NUBPL: variants seen among roughly 807,000 people sequenced by gnomAD.
NUBPL encodes NUBP iron-sulfur cluster assembly factor, mitochondrial, also known as iron-sulfur cluster transfer protein NUBPL.
A neutral mutation model predicts 45.7 loss-of-function variants in NUBPL; 31 were observed. The observed-to-expected ratio is 0.68, with a 90% CI of 0.51 to 0.92. The LOEUF (loss-of-function observed/expected upper bound fraction) is 0.92. Ranked by LOEUF, NUBPL falls within the 40% of genes least tolerant of loss-of-function variation. The pLI is 0.00. For synonymous variants in NUBPL, 144 were observed against 140.9 expected, an observed-to-expected ratio of 1.02 and a Z score of -0.15; for missense variants, 401 against 398.7, an observed-to-expected ratio of 1.01 and a Z score of -0.05.
At chr14:31,754,805 G>A (rs975504246) in intron 6 of NUBPL, among the ~76,000 whole-genome samples, 6 of 148,752 alleles carry the variant, frequency 4.0e-5, no homozygotes, top group Admixed American at 1.3e-4. Context: ...CCATTAACTC[G>A]TCATTTAGCA....
Position 31,624,024 on chromosome 14 carries a change from C to T in NUBPL, c.382+24645C>T, listed in dbSNP as rs565068907. The stretch of plus-strand genomic sequence containing the variant: ...CATTCTGGGAGGAACATTTTGACAG[C>T]ATTGTGAAGGAAACGTAATAGGACT... On this transcript the variant is annotated intron_variant, in intron 4 of 10. Transcript: ENST00000281081. Among the ~76,000 whole-genome samples, 8 of 152,186 alleles carry T rather than the reference C, an allele frequency of 5.3e-5. No individual in the cohort carries two copies. The South Asian group carries it at 1.0e-3, about 20-fold the overall frequency.
At chr14:31,689,371 T>C (rs1389489560) in intron 6 of NUBPL, among the ~76,000 whole-genome samples, 1 of 152,210 alleles carries the variant, frequency 6.6e-6, no homozygotes, top group Non-Finnish European at 1.5e-5. Flanking sequence ...TTCTGACTGG[T>C]GTGAGATACT....
At chr14:31,736,939 T>TACTGC (rs2038178127) in intron 6 of NUBPL, among the ~76,000 whole-genome samples, 1 of 152,240 alleles carries the variant, frequency 6.6e-6, no homozygotes, top group Non-Finnish European at 1.5e-5. Context: ...CCCTGTTGAG[T>TACTGC]ACTGCTTATT....
chr14:31,759,742 G>T (rs1214927547), intron 6 of NUBPL, among the ~76,000 whole-genome samples: 1 of 149,714 alleles, frequency 6.7e-6, no homozygotes. Flanking sequence ...ATATTCTCTT[G>T]TATCTTGTAT....
chr14:31,755,912 C>G (rs2038650154), intron 6 of NUBPL, among the ~76,000 whole-genome samples: 1 of 151,420 alleles, frequency 6.6e-6, no homozygotes, highest in Non-Finnish European at 1.5e-5. Flanking sequence ...CAGCTTTGTA[C>G]ATATGGCTAG....
chr14:31,782,223 C>T (rs2039203965), intron 6 of NUBPL, among the ~76,000 whole-genome samples: 1 of 152,040 alleles, frequency 6.6e-6, no homozygotes, highest in African/African-American at 2.4e-5. Context: ...GGTGAATCCC[C>T]ATCTCTACTA....
chr14:31,585,771 G>T (rs2033980495), intron 3 of NUBPL, among the ~76,000 whole-genome samples: 1 of 152,146 alleles, frequency 6.6e-6, no homozygotes, highest in Non-Finnish European at 1.5e-5. Flanking sequence ...GGTTTGATTT[G>T]CATTTCCTGA....
chr14:31,619,228 C>T (rs1394141152), intron 4 of NUBPL, among the ~76,000 whole-genome samples: 1 of 152,118 alleles, frequency 6.6e-6, no homozygotes, highest in East Asian at 1.9e-4. Flanking sequence ...TGGGTCTTGA[C>T]TCTTTATCCA....
chr14:31,675,808 T>C (rs1417380034), intron 6 of NUBPL, among the ~76,000 whole-genome samples: 2 of 152,134 alleles, frequency 1.3e-5, no homozygotes, highest in African/African-American at 4.8e-5. Flanking sequence ...ATGAGATGCA[T>C]AGATTTTCAG....
chr14:31,719,407 T>C (rs1190783517), intron 6 of NUBPL, among the ~76,000 whole-genome samples: 1 of 152,060 alleles, frequency 6.6e-6, no homozygotes, highest in Non-Finnish European at 1.5e-5. Flanking sequence ...TAGACATAAG[T>C]CATACAGGTT....
chr14:31,642,815 T>G (rs2139705672), intron 4 of NUBPL, among the ~76,000 whole-genome samples: 1 of 152,276 alleles, frequency 6.6e-6, no homozygotes, highest in South Asian at 2.1e-4. Context: ...TGTAAAAATG[T>G]CCTCTTCAGT....
Position 31,673,520 on chromosome 14 carries a change from A to C in NUBPL, c.459A>C (p.Pro153=), listed in dbSNP as rs1555326989. Residue 153 remains proline (P), a synonymous_variant, in exon 6 of 11, where the codon CCA becomes CCC. Coordinates refer to ENST00000281081, the MANE Select transcript of NUBPL (RefSeq NM_025152.3). ...GCTTTCTGGTTGAAGAAAGTGAACC[A>C]GTAGTTTGGAGAGGCCTTATGGTAA... ...SMGFLVEESE[P]VVWRGLMVMS... The C allele has an allele frequency of 6.2e-7, 1 of 1,613,808 alleles. No individual in the cohort carries two copies. The highest frequency in any genetic ancestry group is 1.3e-5 in the African/African-American group (1 of 74,904).
At chr14:31,792,732 C>G (rs1474090110) in intron 7 of NUBPL, among the ~76,000 whole-genome samples, 1 of 151,832 alleles carries the variant, frequency 6.6e-6, no homozygotes, top group African/African-American at 2.4e-5. Flanking sequence ...TAAAAATGTC[C>G]TACCAAAAAG....
intron 7 of NUBPL, among the ~76,000 whole-genome samples, chr14:31,798,486 C>G (rs895175710): frequency 1.3e-5 from 2 of 151,622 alleles, no homozygotes; most frequent in Non-Finnish European, 2.9e-5. Context: ...CATTGTAATA[C>G]AGTAATTAGA....
intron 7 of NUBPL, among the ~76,000 whole-genome samples, chr14:31,805,503 A>G (rs906162724): frequency 6.6e-6 from 1 of 152,204 alleles, no homozygotes; most frequent in Non-Finnish European, 1.5e-5. Flanking sequence ...TAGCAAAGAT[A>G]TGGAATCAAC....
intron 6 of NUBPL, among the ~76,000 whole-genome samples, chr14:31,679,854 A>G (rs1366890645): frequency 6.6e-6 from 1 of 152,202 alleles, no homozygotes; most frequent in Non-Finnish European, 1.5e-5. Context: ...TTCTGACAAC[A>G]TTGAGTCTTC....
chr14:31,694,562 C>A (rs1270237522), intron 6 of NUBPL, among the ~76,000 whole-genome samples: 1 of 152,188 alleles, frequency 6.6e-6, no homozygotes, highest in Non-Finnish European at 1.5e-5. Flanking sequence ...GTCGCCCAGG[C>A]AGGAGTGCAG....
intron 4 of NUBPL, among the ~76,000 whole-genome samples, chr14:31,603,891 A>T (rs1022505747): frequency 1.3e-5 from 2 of 152,290 alleles, no homozygotes; most frequent in African/African-American, 4.8e-5. Context: ...AAGAAGGAGT[A>T]ATGAATTTGC....
rs541688390 is a variant in NUBPL at position 31,678,946 on chromosome 14, T to C, written c.513+5372T>C. Among the ~76,000 whole-genome samples the C allele has an allele frequency of 2.0e-5, 3 of 152,324 alleles. No individual in the cohort carries two copies. The East Asian group carries it at 5.8e-4, about 29-fold the overall frequency. On this transcript the variant is annotated intron_variant, in intron 6 of 10. Transcript: ENST00000281081. ...CACTCCAGCTCGTGGTGTTGAGGCT[T>C]GCTGGAACTCAGGTTCCGACCTCTG...
Sources: allele counts gnomAD v4.1 joint callset (sites outside exome capture counted in the v4.1 genomes callset), GRCh38; gene constraint gnomAD v4.1.1; transcripts MANE v1.5; gene names NCBI Gene and HGNC (gene_info 2026-07-23, HGNC 2026-07-21).